TTC7B: variants seen among roughly 807,000 people sequenced by gnomAD.
The protein encoded by TTC7B is tetratricopeptide repeat domain 7B, also known as tetratricopeptide repeat protein 7B.
A neutral mutation model predicts 106.8 loss-of-function variants in TTC7B; 28 were observed. That is an observed-to-expected ratio of 0.26 (90% CI 0.19 to 0.36). The LOEUF is 0.36. Ranked by LOEUF, TTC7B falls within the 10% of genes least tolerant of loss-of-function variation. The probability of loss-of-function intolerance (pLI) is 1.00; values close to 1 mark genes in which losing one functional copy is unlikely to be tolerated. For synonymous variants in TTC7B, 405 were observed against 430.6 expected, an observed-to-expected ratio of 0.94 and a Z score of 0.74; for missense variants, 862 against 1,076.4, an observed-to-expected ratio of 0.80 and a Z score of 2.79.
rs527324795 is a variant in TTC7B at position 90,718,494 on chromosome 14, C to A, written c.698+11581G>T. Among the ~76,000 whole-genome samples the A allele has an allele frequency of 3.9e-5, 6 of 152,282 alleles. No individual in the cohort carries two copies. The South Asian group carries it at 1.2e-3, about 32-fold the overall frequency. The stretch of plus-strand genomic sequence containing the variant: ...GTCAAGGAAATTGTTTGATGCCTGG[C>A]ACTCACCATTCTCCTTTAACAGAAT... On this transcript the variant is annotated intron_variant, in intron 5 of 19. Coordinates refer to ENST00000328459, the MANE Select transcript of TTC7B (RefSeq NM_001010854.2).
intron 1 of TTC7B, 120 bp from the exon 2 acceptor site, chr14:90,786,448 C>G: frequency 8.5e-7 from 1 of 1,175,572 alleles, no homozygotes; most frequent in Non-Finnish European, 1.2e-6. Flanking sequence ...CAAGGTCCTT[C>G]TGGAACTTCA....
intron 4 of TTC7B, among the ~76,000 whole-genome samples, chr14:90,737,465 T>A (rs1344504449): frequency 1.3e-5 from 2 of 151,400 alleles, no homozygotes; most frequent in Non-Finnish European, 2.9e-5. Flanking sequence ...TACTGATATA[T>A]GCTACTACAT....
chr14:90,593,548 C>T lies in TTC7B; in HGVS notation c.2045G>A (p.Ser682Asn). 2 of 1,612,012 alleles carry T rather than the reference C, an allele frequency of 1.2e-6. No homozygotes were observed. The highest frequency in any genetic ancestry group is 1.1e-5 in the South Asian group (1 of 90,762). ...LSEVASSLQS[S>N]APKQGPLHPW... ...GTGCAGCGGGCCCTGCTTAGGGGCACTGCTCTGCAGAGACGAAGCCACTTC... is the reference window on the plus strand; with the variant it reads ...GTGCAGCGGGCCCTGCTTAGGGGCATTGCTCTGCAGAGACGAAGCCACTTC... Residue 682 changes from serine (S) to asparagine (N), a missense_variant, in exon 18 of 20, where the codon AGT (serine) becomes AAT (asparagine). Coordinates refer to ENST00000328459, the MANE Select transcript of TTC7B (RefSeq NM_001010854.2).
At chr14:90,690,296 T>C (rs1334529074) in intron 6 of TTC7B, among the ~76,000 whole-genome samples, 1 of 152,190 alleles carries the variant, frequency 6.6e-6, no homozygotes, top group East Asian at 1.9e-4. Flanking sequence ...TCACTGGCCT[T>C]GTGCAATAGG....
intron 19 of TTC7B, among the ~76,000 whole-genome samples, chr14:90,553,598 T>C (rs1455272262): frequency 6.6e-6 from 1 of 152,188 alleles, no homozygotes; most frequent in African/African-American, 2.4e-5. Context: ...TCCCCACACT[T>C]TGAAGTTCTC....
intron 3 of TTC7B, among the ~76,000 whole-genome samples, chr14:90,773,431 T>C (rs932612653): frequency 2.6e-5 from 4 of 152,186 alleles, no homozygotes; most frequent in East Asian, 1.9e-4. Context: ...GTATGGATGC[T>C]GGAGTCCACA....
At chr14:90,679,636 C>T (rs180978153) in intron 8 of TTC7B, among the ~76,000 whole-genome samples, 7 of 152,140 alleles carry the variant, frequency 4.6e-5, no homozygotes, top group East Asian at 3.9e-4. Flanking sequence ...GGGAAGGGGA[C>T]GCGAGCCCTC....
intron 8 of TTC7B, among the ~76,000 whole-genome samples, chr14:90,678,686 C>A (rs1248128665): frequency 6.6e-6 from 1 of 152,130 alleles, no homozygotes; most frequent in Non-Finnish European, 1.5e-5. Flanking sequence ...CTGACTGTCT[C>A]AAAGGGATCT....
At chr14:90,542,887 T>C (rs1459671017) in intron 19 of TTC7B, among the ~76,000 whole-genome samples, 3 of 152,162 alleles carry the variant, frequency 2.0e-5, no homozygotes, top group Non-Finnish European at 4.4e-5. Context: ...TAAGAGGATA[T>C]GACTCTCTTT....
At chr14:90,762,235 G>C (rs971607469) in intron 3 of TTC7B, among the ~76,000 whole-genome samples, 1 of 152,196 alleles carries the variant, frequency 6.6e-6, no homozygotes, top group Non-Finnish European at 1.5e-5. Context: ...AGACACCATT[G>C]CTGGCAAAGG....
At chr14:90,692,320 T>C (rs1566838977) in intron 6 of TTC7B, among the ~76,000 whole-genome samples, 2 of 152,234 alleles carry the variant, frequency 1.3e-5, no homozygotes, top group African/African-American at 4.8e-5. Context: ...ATTTGGAGTA[T>C]ATACCTAAGA....
At chr14:90,689,475 C>G in intron 7 of TTC7B, 65 bp downstream of exon 7, 3 of 1,419,906 alleles carry the variant, frequency 2.1e-6, no homozygotes, top group Non-Finnish European at 2.9e-6. Flanking sequence ...TTCTCATCAT[C>G]CTTGAATTTT....
rs1044360262 is a variant in TTC7B, at chr14:90,663,223, C to A, written c.1153-4836G>T. Among the ~76,000 whole-genome samples the A allele has an allele frequency of 6.6e-6, 1 of 152,142 alleles. No homozygotes were observed. The highest frequency in any genetic ancestry group is 1.5e-5 in the Non-Finnish European group (1 of 68,032). The stretch of plus-strand genomic sequence containing the variant: ...GAGATGCAGAGTTGTTAAGGGGGTA[C>A]GCGGGCCTCAGAGTTGGTGGTGGAG... On this transcript the variant is annotated intron_variant, in intron 9 of 19. Transcript: ENST00000328459. The surrounding 1 kb of genome is among the most constrained non-coding windows in gnomAD (Gnocchi z 4.5).
At chr14:90,713,710 A>G (rs1595309002) in intron 5 of TTC7B, among the ~76,000 whole-genome samples, 1 of 152,254 alleles carries the variant, frequency 6.6e-6, no homozygotes, top group Non-Finnish European at 1.5e-5. Flanking sequence ...AAGTGAAAAC[A>G]CATGTTTACA....
chr14:90,635,183 T>C (rs1364523412), intron 15 of TTC7B, among the ~76,000 whole-genome samples: 1 of 152,108 alleles, frequency 6.6e-6, no homozygotes, highest in Non-Finnish European at 1.5e-5. Context: ...TCTAAGAAAG[T>C]CTGCCAGCAA....
chr14:90,648,013 A>T (rs988754211), intron 13 of TTC7B, among the ~76,000 whole-genome samples: 2 of 152,196 alleles, frequency 1.3e-5, no homozygotes, highest in Non-Finnish European at 2.9e-5. Context: ...AAACAGGCCA[A>T]AGATGGCTTT....
chr14:90,630,935 C>A (rs906483115), intron 15 of TTC7B, among the ~76,000 whole-genome samples: 1 of 151,406 alleles, frequency 6.6e-6, no homozygotes. Flanking sequence ...CCTGGCTTCA[C>A]GCCATTCTCC....
intron 6 of TTC7B, among the ~76,000 whole-genome samples, chr14:90,695,158 A>G (rs1263244477): frequency 1.5e-5 from 2 of 131,562 alleles, no homozygotes; most frequent in Non-Finnish European, 1.6e-5. Flanking sequence ...AAAATAAATA[A>G]ATATACATAT....
intron 9 of TTC7B, among the ~76,000 whole-genome samples, chr14:90,674,760 T>G (rs1886760996): frequency 6.6e-6 from 1 of 152,214 alleles, no homozygotes; most frequent in Admixed American, 6.5e-5. Flanking sequence ...TTCAAAAGGC[T>G]CTGGGGGAGA....
Sources: allele counts gnomAD v4.1 joint callset (sites outside exome capture counted in the v4.1 genomes callset), GRCh38; gene constraint gnomAD v4.1.1; non-coding constraint Gnocchi (gnomAD v3.1); transcripts MANE v1.5; gene names NCBI Gene and HGNC (gene_info 2026-07-23, HGNC 2026-07-21).